Variants in PPP3CA observed in about 807,000 individuals in gnomAD.
PPP3CA encodes protein phosphatase 3 catalytic subunit alpha, also known as CAM-PRP catalytic subunit.
PPP3CA carries 14 observed loss-of-function variants against 66.5 expected under a neutral mutation model. The observed-to-expected ratio is 0.21, with a 90% CI of 0.14 to 0.33. PPP3CA has a LOEUF of 0.33. PPP3CA is among the 10% of genes least tolerant of loss of function. PPP3CA has a pLI of 1.00. For synonymous variants in PPP3CA, 232 were observed against 226.2 expected, an observed-to-expected ratio of 1.03 and a Z score of -0.23; for missense variants, 317 against 639.5, an observed-to-expected ratio of 0.50 and a Z score of 5.44.
intron 2 of PPP3CA, among the ~76,000 whole-genome samples, chr4:101,148,539 T>C (rs1384769748): frequency 1.3e-5 from 2 of 152,174 alleles, no homozygotes; most frequent in African/African-American, 4.8e-5. Context: ...GAGATATTAA[T>C]CTCTTGATAT....
At position 101,033,292 on chromosome 4, in the gene PPP3CA, AAACACACACACACACACACACAC is replaced by A. The variant is rs1727088668; in HGVS notation, c.1242-951_1242-929del. Among the ~76,000 whole-genome samples, 24 of 88,180 alleles carry A rather than the reference AAACACACACACACACACACACAC, an allele frequency of 2.7e-4. No individual in the cohort carries two copies. The South Asian group carries it at 7.1e-3, about 26-fold the overall frequency. The allele number at this position is 88,180 out of a possible 152,430, so 57.8% of individuals were successfully genotyped here. ...TACATAGAGACACACACACACACAC[AAACACACACACACACACACACAC>A]ACACACACACACACAGGGAGAGAGT... is the stretch of plus-strand genomic sequence containing the variant. On this transcript the variant is annotated intron_variant, in intron 11 of 13. Coordinates refer to ENST00000394854, the MANE Select transcript of PPP3CA (RefSeq NM_000944.5).
At chr4:101,113,190 C>A (rs1353170571) in intron 2 of PPP3CA, among the ~76,000 whole-genome samples, 1 of 152,020 alleles carries the variant, frequency 6.6e-6, no homozygotes, top group East Asian at 1.9e-4. Flanking sequence ...GGTTGTTTTC[C>A]CACCTAACTC....
chr4:101,223,471 A>C (rs1725686593), intron 1 of PPP3CA, among the ~76,000 whole-genome samples: 2 of 151,758 alleles, frequency 1.3e-5, no homozygotes, highest in Non-Finnish European at 2.9e-5. Flanking sequence ...TTACCAAGAA[A>C]ACAAAATGAG....
intron 2 of PPP3CA, among the ~76,000 whole-genome samples, chr4:101,118,068 C>T (rs919706546): frequency 1.3e-5 from 2 of 152,032 alleles, no homozygotes; most frequent in Non-Finnish European, 2.9e-5. Flanking sequence ...CTGGGGTGTT[C>T]GGCTGTCTTA....
At chr4:101,263,411 G>C (rs777608042) in intron 1 of PPP3CA, among the ~76,000 whole-genome samples, 2 of 152,122 alleles carry the variant, frequency 1.3e-5, no homozygotes, top group Admixed American at 1.3e-4. Flanking sequence ...AAAAGATGTG[G>C]TGTATCTCAT....
intron 1 of PPP3CA, among the ~76,000 whole-genome samples, chr4:101,275,486 G>A (rs1328980862): frequency 6.6e-6 from 1 of 152,114 alleles, no homozygotes; most frequent in East Asian, 1.9e-4. Context: ...CTGCATAAAA[G>A]ATATAAGGCT....
chr4:101,060,465 T>A (rs1728413776), intron 10 of PPP3CA, among the ~76,000 whole-genome samples: 1 of 152,134 alleles, frequency 6.6e-6, no homozygotes, highest in Admixed American at 6.6e-5. Flanking sequence ...TTTGTAAGAC[T>A]CAGGGTAATT....
At chr4:101,194,636 AGCTCACT>A (rs1265317663) in intron 2 of PPP3CA, among the ~76,000 whole-genome samples, 1 of 151,966 alleles carries the variant, frequency 6.6e-6, no homozygotes, top group African/African-American at 2.4e-5. Flanking sequence ...GCACAGTCTC[AGCTCACT>A]GCACCCTCTA....
intron 2 of PPP3CA, among the ~76,000 whole-genome samples, chr4:101,172,716 T>C (rs1402100297): frequency 6.6e-6 from 1 of 152,142 alleles, no homozygotes; most frequent in Non-Finnish European, 1.5e-5. Flanking sequence ...AAGCTGAATC[T>C]AGTTTTTAAA....
At chr4:101,159,027 C>T (rs1209215600) in intron 2 of PPP3CA, among the ~76,000 whole-genome samples, 2 of 152,130 alleles carry the variant, frequency 1.3e-5, no homozygotes, top group Non-Finnish European at 1.5e-5. Context: ...GGGGGTTTGG[C>T]TAATTTAATC....
intron 1 of PPP3CA, among the ~76,000 whole-genome samples, chr4:101,324,615 A>C (rs1729155091): frequency 6.6e-6 from 1 of 152,128 alleles, no homozygotes; most frequent in South Asian, 2.1e-4. Context: ...TTCTTGGTCC[A>C]GTTTTTGTCC....
intron 1 of PPP3CA, among the ~76,000 whole-genome samples, chr4:101,223,180 CT>C (rs747068270): frequency 9.2e-5 from 14 of 151,684 alleles, no homozygotes; most frequent in Non-Finnish European, 1.6e-4. Flanking sequence ...GACCTTGGCT[CT>C]CTTTATAATT....
At chr4:101,170,750 T>G (rs1723851413) in intron 2 of PPP3CA, among the ~76,000 whole-genome samples, 1 of 152,142 alleles carries the variant, frequency 6.6e-6, no homozygotes, top group Admixed American at 6.6e-5. Flanking sequence ...ACTCAAAAAT[T>G]CTTGCCCAGC....
chr4:101,184,074 G>C (rs1724329594), intron 2 of PPP3CA, among the ~76,000 whole-genome samples: 1 of 152,164 alleles, frequency 6.6e-6, no homozygotes, highest in Admixed American at 6.6e-5. Context: ...CCACTGGTCT[G>C]TAATTTTATG....
intron 1 of PPP3CA, among the ~76,000 whole-genome samples, chr4:101,208,710 A>T (rs1021314609): frequency 1.3e-5 from 2 of 152,192 alleles, no homozygotes; most frequent in African/African-American, 4.8e-5. Flanking sequence ...TACATGTCTT[A>T]TGTGATTTCA....
chr4:101,069,324 T>A (rs1478928489), intron 8 of PPP3CA, among the ~76,000 whole-genome samples: 1 of 152,178 alleles, frequency 6.6e-6, no homozygotes, highest in East Asian at 1.9e-4. Context: ...AGATATATGT[T>A]ACTATATATA....
At chr4:101,140,671 T>G (rs1370875827) in intron 2 of PPP3CA, among the ~76,000 whole-genome samples, 1 of 152,194 alleles carries the variant, frequency 6.6e-6, no homozygotes, top group Non-Finnish European at 1.5e-5. Context: ...TTGGCAAAAG[T>G]CAAATGTATC....
chr4:101,306,594 G>C (rs182473192), intron 1 of PPP3CA, among the ~76,000 whole-genome samples: 84 of 152,234 alleles, frequency 5.5e-4, no homozygotes, highest in Middle Eastern at 3.4e-3. Context: ...GGAAGAATAA[G>C]AGAAGAGAGA....
chr4:101,140,751 T>C (rs1722781523), intron 2 of PPP3CA, among the ~76,000 whole-genome samples: 2 of 152,220 alleles, frequency 1.3e-5, no homozygotes, highest in African/African-American at 4.8e-5. Flanking sequence ...GCAGAATGAC[T>C]GCAGGTGTCA....
Sources: allele counts gnomAD v4.1 joint callset (sites outside exome capture counted in the v4.1 genomes callset), GRCh38; gene constraint gnomAD v4.1.1; transcripts MANE v1.5; gene names NCBI Gene and HGNC (gene_info 2026-07-23, HGNC 2026-07-21).